Variants in UNC80 observed in about 807,000 individuals in gnomAD.
UNC80 encodes protein unc-80 homolog.
UNC80 carries 164 observed loss-of-function variants against 384.6 expected under a neutral mutation model. The ratio of observed to expected loss-of-function variants is 0.43; its 90% CI spans 0.38 to 0.49. The LOEUF (loss-of-function observed/expected upper bound fraction) is 0.49, where lower values mean the gene tolerates loss of function less well. Ranked by LOEUF, UNC80 falls within the 20% of genes least tolerant of loss-of-function variation. UNC80 has a pLI of 0.00. For synonymous variants in UNC80, 1,486 were observed against 1,527.8 expected (o/e 0.97, Z 0.64); for missense variants, 3,330 against 4,143.0 (o/e 0.80, Z 5.39).
chr2:209,958,688 C>T lies in UNC80; in HGVS notation c.7551-431C>T, dbSNP rs146555928. Among the ~76,000 whole-genome samples, 3 of 152,222 alleles carry T rather than the reference C, an allele frequency of 2.0e-5. No homozygotes were observed. In the East Asian group the frequency reaches 5.8e-4, roughly 29 times the overall value. On this transcript the variant is annotated intron_variant, in intron 49 of 64. Transcript: ENST00000673920. ...GAGGGCTTCTAAAGAAGAAAGAGGGCTTCTAAAGTCTTAGTATCCATGAAT... is the reference window on the plus strand; with the variant it reads ...GAGGGCTTCTAAAGAAGAAAGAGGGTTTCTAAAGTCTTAGTATCCATGAAT...
At chr2:209,783,667 T>C (rs2077269308) in intron 4 of UNC80, among the ~76,000 whole-genome samples, 1 of 152,144 alleles carries the variant, frequency 6.6e-6, no homozygotes, top group African/African-American at 2.4e-5. Context: ...AGATCAGATG[T>C]TAAAGCCCAG....
chr2:209,856,473 T>C (rs1021650771), intron 22 of UNC80, among the ~76,000 whole-genome samples: 1 of 152,102 alleles, frequency 6.6e-6, no homozygotes, highest in African/African-American at 2.4e-5. Flanking sequence ...TTATCCTTCA[T>C]GGCTAGCACT....
chr2:209,815,407 TA>T lies in UNC80; in HGVS notation c.1335+17del, dbSNP rs770155986. 6 of 1,547,144 alleles carry T rather than the reference TA, an allele frequency of 3.9e-6. No individual in the cohort carries two copies. In the African/African-American group the frequency reaches 6.9e-5, roughly 18 times the overall value. On this transcript the variant is annotated intron_variant, in intron 9 of 64. Transcript: ENST00000673920. Reference sequence around the variant, plus strand: ...TTTTAAAAAGGTGAGTAGAAATGCTTATGCTCTTTGATATTTTGGTAAATAA... The same window carrying T: ...TTTTAAAAAGGTGAGTAGAAATGCTTTGCTCTTTGATATTTTGGTAAATAA...
intron 28 of UNC80, among the ~76,000 whole-genome samples, chr2:209,902,258 G>C (rs1400688163): frequency 2.6e-5 from 4 of 152,182 alleles, no homozygotes; most frequent in Non-Finnish European, 4.4e-5. Context: ...GCAATCTTAT[G>C]ATAAAACTTG....
At position 209,872,712 on chromosome 2, in the gene UNC80, T is replaced by C; in HGVS notation, c.3628-46T>C. On this transcript the variant is annotated intron_variant, in intron 22 of 64. Transcript: ENST00000673920. The surrounding 1 kb of genome is among the most constrained non-coding windows in gnomAD (Gnocchi z 4.1). The stretch of plus-strand genomic sequence containing the variant: ...TCCCTTTAAGACCAATTTAAAGTTA[T>C]TGTTCATTAATCCCACATTATTCTT... The C allele has an allele frequency of 2.0e-6, 3 of 1,465,240 alleles. No individual in the cohort carries two copies. Among genetic ancestry groups the C allele is most frequent in the Admixed American group, 3.9e-5 (2 of 50,654 alleles). 90.8% of individuals were successfully genotyped at this position (1,465,240 alleles called of 1,614,324 possible).
chr2:209,793,118 T>C (rs2077928577), intron 6 of UNC80, among the ~76,000 whole-genome samples: 1 of 152,272 alleles, frequency 6.6e-6, no homozygotes, highest in Non-Finnish European at 1.5e-5. Flanking sequence ...ATAATGCCTA[T>C]GGAAAAATAT....
intron 51 of UNC80, among the ~76,000 whole-genome samples, chr2:209,965,293 C>T (rs1027338658): frequency 2.6e-5 from 4 of 151,854 alleles, no homozygotes; most frequent in East Asian, 1.9e-4. Flanking sequence ...AAAAATTAGC[C>T]GGGCATGGGG....
At chr2:209,880,932 C>T (rs1319176939) in intron 24 of UNC80, 29 bp from the exon 25 acceptor site, 5 of 1,549,982 alleles carry the variant, frequency 3.2e-6, no homozygotes, top group South Asian at 1.2e-5. Context: ...TGATTTGTCT[C>T]CTTATGAAAG....
rs921302881 is a variant in UNC80 at position 209,922,276 on chromosome 2, C to G, written c.5555C>G (p.Ser1852Cys). ...GTAGAAGAAGTCACCAATCTGGCAT[C>G]CCGTCGACTGTCTGTGAGTCCATCC... ...EEVEEVTNLA[S>C]RRLSVSPSCT... The change falls in exon 35 of 65, where the codon TCC (serine) becomes TGC (cysteine). Residue 1852 changes from serine to cysteine, a missense_variant. Around this residue, in one of 8 missense-constraint regions of UNC80, gnomAD observed 1,049 missense variants for 1,488.6 expected, o/e 0.70. Transcript: ENST00000673920. 8 of 1,552,088 alleles carry G rather than the reference C, an allele frequency of 5.2e-6. No individual in the cohort carries two copies. The African/African-American group carries it at 1.1e-4, about 21-fold the overall frequency.
intron 8 of UNC80, 58 bp from the exon 9 acceptor site, chr2:209,815,199 A>C: frequency 6.7e-7 from 1 of 1,489,078 alleles, no homozygotes; most frequent in South Asian, 1.3e-5. Context: ...ACATTTCAAT[A>C]AGAACAGTAT....
chr2:209,813,615 G>A lies in UNC80; in HGVS notation c.974G>A (p.Arg325His), dbSNP rs774275925. 2.1e-5 allele frequency: 32 copies of A among 1,551,658 alleles called. No individual in the cohort carries two copies. The highest frequency in any genetic ancestry group is 9.5e-5 in the South Asian group (8 of 84,056). ...SLVIPPCQRS[R>H]YATYFDVAVL... The stretch of plus-strand genomic sequence containing the variant: ...GTGATACCTCCGTGCCAAAGGTCCC[G>A]CTATGCCACCTACTTTGACGTTGCT... Residue 325 changes from arginine to histidine, a missense_variant, in exon 8 of 65, where the codon CGC becomes CAC. This residue lies in a region of UNC80 where 937 missense variants were observed against 1,026.8 expected (regional missense o/e 0.91). Coordinates refer to ENST00000673920, the MANE Select transcript of UNC80 (RefSeq NM_001371986.1).
chr2:209,995,219 A>T (rs2125035897), intron 64 of UNC80, 110 bp from the exon 65 acceptor site: 1 of 1,378,736 alleles, frequency 7.3e-7, no homozygotes, highest in African/African-American at 1.4e-5. Context: ...TGGAACTGGG[A>T]CTAGCCATCT....
chr2:209,913,963 C>A (rs777346354), intron 31 of UNC80, 23 bp downstream of exon 31: 26 of 1,521,506 alleles, frequency 1.7e-5, no homozygotes, highest in Admixed American at 1.1e-4. Context: ...CACCTGGAAC[C>A]CTGTGCCTGC....
chr2:209,887,137 A>G (rs568478614), intron 25 of UNC80, among the ~76,000 whole-genome samples: 1 of 152,258 alleles, frequency 6.6e-6, no homozygotes, highest in East Asian at 1.9e-4. Flanking sequence ...CCCAGGTTCA[A>G]GCAATTCTCC....
chr2:209,861,676 G>A (rs771139758), intron 22 of UNC80, among the ~76,000 whole-genome samples: 12 of 152,040 alleles, frequency 7.9e-5, no homozygotes, highest in Admixed American at 2.0e-4. Flanking sequence ...GGCTTTTTTT[G>A]GTTGGTAGGC....
At chr2:209,963,632 A>T (rs2092662103) in intron 51 of UNC80, among the ~76,000 whole-genome samples, 1 of 152,238 alleles carries the variant, frequency 6.6e-6, no homozygotes, top group South Asian at 2.1e-4. Context: ...AAATAACCTG[A>T]GAAGTAAAGA....
intron 1 of UNC80, among the ~76,000 whole-genome samples, 165 bp downstream of exon 1, chr2:209,772,329 T>G (rs985436287): frequency 6.6e-6 from 1 of 151,690 alleles, no homozygotes; most frequent in Non-Finnish European, 1.5e-5. Context: ...AAACACGCAT[T>G]AAAATATGTA....
intron 35 of UNC80, among the ~76,000 whole-genome samples, chr2:209,922,670 C>T (rs1359090433): frequency 6.6e-6 from 1 of 152,186 alleles, no homozygotes; most frequent in African/African-American, 2.4e-5. Flanking sequence ...CACCTAGCTA[C>T]AGTACATTAC....
chr2:209,861,569 C>A (rs921815206), intron 22 of UNC80, among the ~76,000 whole-genome samples: 1 of 152,136 alleles, frequency 6.6e-6, no homozygotes, highest in African/African-American at 2.4e-5. Context: ...AGGGAGAAGT[C>A]CCTCCTTCTC....
Sources: gnomAD v4.1 joint callset for allele counts (sites outside exome capture counted in the v4.1 genomes callset) on GRCh38, gnomAD v4.1.1 for gene constraint, gnomAD v4.1.1 regional missense constraint, Gnocchi (gnomAD v3.1) non-coding constraint, MANE v1.5 for transcripts, NCBI Gene and HGNC (gene_info 2026-07-23, HGNC 2026-07-21) for gene names.